The following EHD1 variants were observed in gnomAD, a reference collection of about 807,000 sequenced individuals.
EHD1 encodes EH domain containing 1.
In EHD1, 19 loss-of-function variants were observed where a neutral mutation model predicts 39.0. That is an observed-to-expected ratio of 0.49 (90% confidence interval 0.34 to 0.72). EHD1 has a LOEUF of 0.72. EHD1 is among the 30% of genes least tolerant of loss of function. The probability of loss-of-function intolerance (pLI) is 0.01; values close to 1 mark genes in which losing one functional copy is unlikely to be tolerated. For missense variants in EHD1, 542 were observed against 751.5 expected (o/e 0.72, Z 3.26); for synonymous variants, 323 against 331.2 (o/e 0.98, Z 0.27).
intron 2 of EHD1, among the ~76,000 whole-genome samples, chr11:64,869,017 C>T (rs1027962240): frequency 1.3e-5 from 2 of 152,186 alleles, no homozygotes; most frequent in South Asian, 2.1e-4. Context: ...TGGCACACTG[C>T]GAGCAGGAGT....
chr11:64,871,626 C>T (rs954393928), intron 2 of EHD1, among the ~76,000 whole-genome samples: 20 of 152,222 alleles, frequency 1.3e-4, no homozygotes, highest in African/African-American at 4.8e-4. Context: ...TCTGCTACTT[C>T]ACAGCAGGAA....
chr11:64,869,436 C>T (rs528560702), intron 2 of EHD1, among the ~76,000 whole-genome samples: 1 of 152,330 alleles, frequency 6.6e-6, no homozygotes, highest in South Asian at 2.1e-4. Context: ...AGCACTTCCC[C>T]GAGGATACTC....
intron 1 of EHD1, among the ~76,000 whole-genome samples, chr11:64,874,869 G>T (rs1400308188): frequency 6.6e-6 from 1 of 152,218 alleles, no homozygotes; most frequent in Non-Finnish European, 1.5e-5. Context: ...AGGTCACGCT[G>T]GGGCGCTGAA....
At chr11:64,878,759 G>A (rs1460259279), upstream of EHD1, 4 of 1,026,228 alleles carry the variant, frequency 3.9e-6, no homozygotes, top group African/African-American at 3.5e-5. Flanking sequence ...CTGGTGCCAC[G>A]TCTTCCCCTA....
intron 1 of EHD1, 44 bp downstream of exon 1, chr11:64,878,017 T>C: frequency 6.8e-7 from 1 of 1,476,370 alleles, no homozygotes; most frequent in Non-Finnish European, 8.9e-7. Context: ...GTGAGGGGTG[T>C]GCCCCGGACG....
At chr11:64,859,230 A>G (rs1340911515) in intron 3 of EHD1, among the ~76,000 whole-genome samples, 1 of 152,244 alleles carries the variant, frequency 6.6e-6, no homozygotes, top group Non-Finnish European at 1.5e-5. Flanking sequence ...CACTGTGCTG[A>G]GTGCACTTCA....
intron 2 of EHD1, among the ~76,000 whole-genome samples, chr11:64,873,372 T>C (rs1018920400): frequency 6.6e-6 from 1 of 152,216 alleles, no homozygotes; most frequent in Admixed American, 6.5e-5. Context: ...GAGGAATGTA[T>C]ATGGCTTTGG....
chr11:64,855,514 C>T (rs1943641523), intron 3 of EHD1, 28 bp from the exon 4 acceptor site: 5 of 1,612,176 alleles, frequency 3.1e-6, no homozygotes, highest in East Asian at 4.5e-5. Flanking sequence ...GCATCAGGCG[C>T]TCTCTTGGCC....
At position 64,854,819 on chromosome 11, in the gene EHD1, C is replaced by A; in HGVS notation, c.1119G>T (p.Ala373=). 1 of 1,601,166 alleles carries A rather than the reference C, an allele frequency of 6.2e-7. No homozygotes were observed. Among genetic ancestry groups the A allele is most frequent in the Admixed American group, 1.7e-5 (1 of 60,024 alleles). ...CCGTGTCCAGCAGCTTGGGCTTCAG[C>A]GCCTGGAACTTGCTGAAGTCCTGGG... ...LQTQDFSKFQ[A]LKPKLLDTVD... is the part of the protein sequence containing the mutation. Residue 373 remains alanine (A), a synonymous_variant, in exon 5 of 5, where the codon GCG becomes GCT. Transcript: ENST00000320631.
intron 3 of EHD1, among the ~76,000 whole-genome samples, chr11:64,857,371 C>G (rs1943664661): frequency 6.6e-6 from 1 of 152,122 alleles, no homozygotes; most frequent in Admixed American, 6.6e-5. Context: ...TTGCAGTGAG[C>G]CGAGATTGCG....
rs775809648 is a variant in EHD1 at position 64,860,341 on chromosome 11, G to C, written c.503-5C>G. 68 of 1,605,804 alleles carry C rather than the reference G, an allele frequency of 4.2e-5. No homozygotes were observed. Among genetic ancestry groups the C allele is most frequent in the Admixed American group, 5.0e-5 (3 of 59,810 alleles). On this transcript the variant is annotated splice_region_variant and splice_polypyrimidine_tract_variant and intron_variant, in intron 2 of 4. Transcript: ENST00000320631. ...GGACGGCTGCAAAGTCATAGCCTGGGGGGAAGAGAAGGGAGAGCTCAGGGG... is the reference window on the plus strand; with the variant it reads ...GGACGGCTGCAAAGTCATAGCCTGGCGGGAAGAGAAGGGAGAGCTCAGGGG...
chr11:64,874,797 G>A (rs747943516), intron 1 of EHD1, among the ~76,000 whole-genome samples: 3 of 152,150 alleles, frequency 2.0e-5, no homozygotes, highest in Non-Finnish European at 4.4e-5. Context: ...CTTTCAAGCT[G>A]CTGACTTGTT....
chr11:64,878,951 C>T, upstream of EHD1: 7 of 1,007,918 alleles, frequency 6.9e-6, no homozygotes, highest in Non-Finnish European at 8.3e-6. Flanking sequence ...ACCGTGGCCC[C>T]CCCACACCCC....
chr11:64,869,845 T>C (rs1181593147), intron 2 of EHD1, among the ~76,000 whole-genome samples: 1 of 152,178 alleles, frequency 6.6e-6, no homozygotes, highest in Non-Finnish European at 1.5e-5. Context: ...GGCAGCGGCA[T>C]CTCCATCTCA....
At chr11:64,877,665 G>A (rs939459183) in intron 1 of EHD1, among the ~76,000 whole-genome samples, 1 of 151,758 alleles carries the variant, frequency 6.6e-6, no homozygotes, top group Non-Finnish European at 1.5e-5. Flanking sequence ...CACTTAAGAA[G>A]ACAGGGAGGG....
At chr11:64,874,847 A>T (rs1943868690) in intron 1 of EHD1, among the ~76,000 whole-genome samples, 1 of 152,194 alleles carries the variant, frequency 6.6e-6, no homozygotes, top group South Asian at 2.1e-4. Flanking sequence ...TTCAGTTCGG[A>T]GGGGAAGCAG....
intron 2 of EHD1, among the ~76,000 whole-genome samples, chr11:64,866,921 G>A (rs567387991): frequency 6.6e-6 from 1 of 152,262 alleles, no homozygotes; most frequent in South Asian, 2.1e-4. Flanking sequence ...AAGGAATATA[G>A]AATGGGGAGT....
At chr11:64,859,810 T>C in intron 3 of EHD1, 114 bp downstream of exon 3, 1 of 1,399,370 alleles carries the variant, frequency 7.1e-7, no homozygotes, top group Non-Finnish European at 9.5e-7. Flanking sequence ...AGTGCAGGTC[T>C]GCCTGTGAAG....
intron 3 of EHD1, among the ~76,000 whole-genome samples, chr11:64,859,074 C>T (rs1210250922): frequency 2.0e-5 from 3 of 152,264 alleles, no homozygotes; most frequent in Non-Finnish European, 4.4e-5. Flanking sequence ...CAGCCCCTAG[C>T]GCCAGCTCCC....
Sources: gnomAD v4.1 joint callset for allele counts (sites outside exome capture counted in the v4.1 genomes callset) on GRCh38, gnomAD v4.1.1 for gene constraint, MANE v1.5 for transcripts, NCBI Gene and HGNC (gene_info 2026-07-23, HGNC 2026-07-21) for gene names.